Variants in RBFOX1 observed in about 807,000 individuals in gnomAD.
RBFOX1 encodes the protein RNA binding protein fox-1 homolog 1.
RBFOX1 carries 8 observed loss-of-function variants against 57.7 expected under a neutral mutation model. That is an observed-to-expected ratio of 0.14 (90% CI 0.08 to 0.25). RBFOX1 has a LOEUF of 0.25. Among genes scored for constraint, RBFOX1 ranks in the 10% least tolerant of loss-of-function variants. The pLI, the probability that RBFOX1 is intolerant of heterozygous loss-of-function variation, is 1.00. For missense variants in RBFOX1, 611 were observed against 548.5 expected, an observed-to-expected ratio of 1.11 and a Z score of -1.14; for synonymous variants, 326 against 222.4, an observed-to-expected ratio of 1.47 and a Z score of -4.15.
intron 3 of RBFOX1, among the ~76,000 whole-genome samples, chr16:5,766,039 A>G (rs1017021764): frequency 6.6e-6 from 1 of 152,200 alleles, no homozygotes; most frequent in African/African-American, 2.4e-5. Context: ...CTAGCTTGGT[A>G]GTGTGCACGT....
chr16:5,886,484 T>G (rs1891128595), intron 4 of RBFOX1, among the ~76,000 whole-genome samples: 1 of 152,220 alleles, frequency 6.6e-6, no homozygotes, highest in South Asian at 2.1e-4. Context: ...TCTCCATGGA[T>G]CATTCAGGTT....
At chr16:6,869,472 GTT>G (rs5815352) in intron 3 of RBFOX1, among the ~76,000 whole-genome samples, 2,634 of 148,226 alleles carry the variant, frequency 0.018, 88 homozygotes, top group African/African-American at 0.061. Flanking sequence ...GTCTTTTGAG[GTT>G]TTTTTTTTTT....
At chr16:7,051,919 A>C (rs1242968139) in intron 3 of RBFOX1, 138 bp from the exon 4 acceptor site, 7 of 1,346,262 alleles carry the variant, frequency 5.2e-6, no homozygotes, top group Non-Finnish European at 7.0e-6. Context: ...ATGTAGACCT[A>C]AAGAAAAATT....
intron 4 of RBFOX1, among the ~76,000 whole-genome samples, chr16:7,370,114 G>A (rs767772780): frequency 6.6e-6 from 1 of 152,192 alleles, no homozygotes; most frequent in Non-Finnish European, 1.5e-5. Context: ...GTTTCCCTGT[G>A]TACTGTAGGA....
chr16:7,489,131 T>C (rs1391537613), intron 4 of RBFOX1, among the ~76,000 whole-genome samples: 1 of 152,224 alleles, frequency 6.6e-6, no homozygotes, highest in African/African-American at 2.4e-5. Context: ...CAAATCTCTC[T>C]GTTTCTCTGC....
intron 3 of RBFOX1, among the ~76,000 whole-genome samples, chr16:6,770,859 C>T (rs1056780781): frequency 6.6e-6 from 1 of 152,082 alleles, no homozygotes; most frequent in East Asian, 1.9e-4. Flanking sequence ...GCTGAAGTCT[C>T]CCATGGATAA....
chr16:5,982,143 C>A (rs953975084), intron 4 of RBFOX1, among the ~76,000 whole-genome samples: 1 of 152,156 alleles, frequency 6.6e-6, no homozygotes, highest in Admixed American at 6.5e-5. Flanking sequence ...GCATGTGGTC[C>A]CATTGACCCT....
chr16:7,420,741 C>G (rs537997889), intron 4 of RBFOX1, among the ~76,000 whole-genome samples: 2 of 151,084 alleles, frequency 1.3e-5, no homozygotes, highest in African/African-American at 2.4e-5. Flanking sequence ...TCAATTACAT[C>G]TAGAGCATTT....
At chr16:5,815,026 C>T (rs1275432078) in intron 3 of RBFOX1, among the ~76,000 whole-genome samples, 1 of 151,810 alleles carries the variant, frequency 6.6e-6, no homozygotes, top group Non-Finnish European at 1.5e-5. Context: ...CTCTGTTACC[C>T]AGGCTGAAGT....
intron 7 of RBFOX1, among the ~76,000 whole-genome samples, chr16:7,595,133 T>G (rs1314083073): frequency 6.6e-6 from 1 of 152,220 alleles, no homozygotes; most frequent in Non-Finnish European, 1.5e-5. Flanking sequence ...TTGTTGAATT[T>G]CGTGCACACG....
At chr16:6,172,815 G>C (rs2096971579) in intron 1 of RBFOX1, among the ~76,000 whole-genome samples, 1 of 152,104 alleles carries the variant, frequency 6.6e-6, no homozygotes, top group Admixed American at 6.6e-5. Flanking sequence ...CTGCAGACTT[G>C]GTGGATACAA....
rs1291643419 is a variant in RBFOX1, at chr16:6,595,147, C to G, written c.-63-59456C>G. Among the ~76,000 whole-genome samples, 6 of 152,252 alleles carry G rather than the reference C, an allele frequency of 3.9e-5. 1 individual carries two copies. The South Asian group carries it at 1.0e-3, about 26-fold the overall frequency. On this transcript the variant is annotated intron_variant, in intron 2 of 15. Coordinates refer to ENST00000550418, the MANE Select transcript of RBFOX1 (RefSeq NM_018723.4). ...ATCATCAACACACCATCAGCGCATT[C>G]TAAATTTAGCATATTTTTATTGCTC...
At chr16:5,392,180 T>C (rs1421713091) in intron 1 of RBFOX1, among the ~76,000 whole-genome samples, 1 of 152,072 alleles carries the variant, frequency 6.6e-6, no homozygotes, top group Non-Finnish European at 1.5e-5. Flanking sequence ...ATTGGGTTCA[T>C]TATGTACTGC....
chr16:7,289,342 T>G (rs59197952), intron 4 of RBFOX1, among the ~76,000 whole-genome samples: 74,292 of 151,660 alleles, frequency 0.49, 19,640 homozygotes, highest in East Asian at 0.84. Flanking sequence ...CAATGTACAT[T>G]GCCTTACTTT....
intron 3 of RBFOX1, among the ~76,000 whole-genome samples, chr16:5,645,640 C>T (rs73529739): frequency 0.021 from 3,238 of 152,254 alleles, 107 homozygotes; most frequent in African/African-American, 0.073. Flanking sequence ...GGGAAAGATT[C>T]TGTGTGTGCT....
At chr16:5,794,516 G>C (rs982706114) in intron 3 of RBFOX1, among the ~76,000 whole-genome samples, 14 of 152,174 alleles carry the variant, frequency 9.2e-5, no homozygotes, top group African/African-American at 2.9e-4. Context: ...GCGTGCGTGT[G>C]TGTGTGTGTG....
chr16:6,773,002 A>ATGTGTGTGTGTGTG (rs138195500), intron 3 of RBFOX1, among the ~76,000 whole-genome samples: 14 of 73,678 alleles, frequency 1.9e-4, no homozygotes, highest in African/African-American at 6.1e-4. Context: ...TGGGGTGCAT[A>ATGTGTGTGTGTGTG]TGTGTGTGTG....
chr16:5,991,137 A>AT (rs1303500224), intron 4 of RBFOX1, among the ~76,000 whole-genome samples: 7 of 152,304 alleles, frequency 4.6e-5, no homozygotes, highest in African/African-American at 1.4e-4. Context: ...AAGTTGGACC[A>AT]TTTGGGGGGT....
intron 3 of RBFOX1, among the ~76,000 whole-genome samples, chr16:6,875,032 G>A (rs749339293): frequency 4.6e-5 from 7 of 152,190 alleles, no homozygotes; most frequent in Non-Finnish European, 1.0e-4. Flanking sequence ...GAGAAGTTGT[G>A]AGTGGGAGCA....
Sources: gnomAD v4.1 joint callset for allele counts (sites outside exome capture counted in the v4.1 genomes callset) on GRCh38, gnomAD v4.1.1 for gene constraint, MANE v1.5 for transcripts, NCBI Gene and HGNC (gene_info 2026-07-23, HGNC 2026-07-21) for gene names.